Variants in MYLK2 observed in about 807,000 individuals in gnomAD.
MYLK2 encodes the protein myosin light chain kinase 2.
MYLK2 carries 27 observed loss-of-function variants against 58.2 expected under a neutral mutation model. The ratio of observed to expected loss-of-function variants is 0.46; its 90% confidence interval spans 0.34 to 0.64. The LOEUF (loss-of-function observed/expected upper bound fraction) is 0.64, where lower values mean the gene tolerates loss of function less well. Ranked by LOEUF, MYLK2 falls within the 30% of genes least tolerant of loss-of-function variation. The pLI is 0.01. For synonymous variants in MYLK2, 310 were observed against 296.7 expected (o/e 1.04, Z -0.46); for missense variants, 676 against 764.3 (o/e 0.88, Z 1.36).
intron 5 of MYLK2, 47 bp downstream of exon 5, chr20:31,823,629 C>T (rs377529390): frequency 1.5e-5 from 23 of 1,563,600 alleles, no homozygotes; most frequent in African/African-American, 5.4e-5. Context: ...GAGAGTACAC[C>T]GGGCTCCTGT....
intron 5 of MYLK2, chr20:31,823,853 C>A: frequency 4.0e-6 from 3 of 749,106 alleles, no homozygotes; most frequent in Non-Finnish European, 4.9e-6. Context: ...CAGCTCCAGG[C>A]ACCACACTGA....
intron 4 of MYLK2, 32 bp from the exon 5 acceptor site, chr20:31,823,445 A>ACTGC (rs2062261406): frequency 6.3e-7 from 1 of 1,592,540 alleles, no homozygotes; most frequent in African/African-American, 1.3e-5. Flanking sequence ...AGCCCCTGGC[A>ACTGC]CTGACCATGA....
intron 5 of MYLK2, chr20:31,824,001 G>A (rs2062265755): frequency 1.0e-6 from 1 of 984,162 alleles, no homozygotes; most frequent in African/African-American, 1.8e-5. Flanking sequence ...CGCATCCCAG[G>A]GCCATCCTCC....
chr20:31,826,524 T>C, intron 6 of MYLK2, 81 bp from the exon 7 acceptor site: 1 of 1,584,540 alleles, frequency 6.3e-7, no homozygotes, highest in Non-Finnish European at 8.6e-7. Context: ...CTAGCAGGCC[T>C]GTTCAAGGGT....
At position 31,823,551 on chromosome 20, in the gene MYLK2, T is replaced by G; in HGVS notation, c.847T>G (p.Phe283Val). 6.2e-7 allele frequency: 1 copy of G among 1,613,934 alleles called. No individual in the cohort carries two copies. The highest frequency in any genetic ancestry group is 8.5e-7 in the Non-Finnish European group (1 of 1,180,008). Residue 283 changes from phenylalanine to valine, a missense_variant, in exon 5 of 13, where the codon TTC (phenylalanine) becomes GTC (valine). By Grantham distance (50) the Phe-to-Val change is conservative. Coordinates refer to ENST00000375985, the MANE Select transcript of MYLK2 (RefSeq NM_033118.4). ...GAGGACCGGGAATGTCAGCAGTGAA[T>G]TCAGTATGAACTCCAAGGAGGCGCT... ...ELRTGNVSSE[F>V]SMNSKEALGG...
Position 31,833,810 on chromosome 20 carries a change from G to GATGAAGC in MYLK2, c.*13_*14insATGAAGC. 1 of 1,610,440 alleles carries GATGAAGC rather than the reference G, an allele frequency of 6.2e-7. No homozygotes were observed. Among genetic ancestry groups the GATGAAGC allele is most frequent in the Non-Finnish European group, 8.5e-7 (1 of 1,179,208 alleles). The stretch of plus-strand genomic sequence containing the variant: ...TCTGGGGGTCTGAGCCCTGGGCGCA[G>GATGAAGC]CTGAAGCCTGGACGCAGCCACACAG... On this transcript the variant is annotated 3_prime_UTR_variant, in exon 13 of 13. Transcript: ENST00000375985.
At chr20:31,828,038 C>A in intron 8 of MYLK2, 3 of 258,516 alleles carry the variant, frequency 1.2e-5, no homozygotes, top group Non-Finnish European at 1.8e-5. Flanking sequence ...CAGGCGTGTG[C>A]CACCATGCCC....
chr20:31,830,761 T>G (rs2062301909), intron 8 of MYLK2, 58 bp from the exon 9 acceptor site: 12 of 1,570,452 alleles, frequency 7.6e-6, no homozygotes, highest in Non-Finnish European at 1.1e-5. Context: ...ACGGGCCTGG[T>G]GGGAGAGGGA....
Position 31,834,204 on chromosome 20 carries a change from C to T in MYLK2, c.*407C>T. On this transcript the variant is annotated 3_prime_UTR_variant, in exon 13 of 13. Transcript: ENST00000375985. ...AGCTGGAGTGCCATGGCTGGGGGGT[C>T]TCAGCATGTAGGGCTTCTGTGGTTG... 1 of 240,312 alleles carries T rather than the reference C, an allele frequency of 4.2e-6. No homozygotes were observed. Among genetic ancestry groups the T allele is most frequent in the East Asian group, 9.9e-5 (1 of 10,134 alleles). 14.9% of individuals were successfully genotyped at this position (240,312 alleles called of 1,614,324 possible). A position where few individuals can be genotyped will look rare whatever the true frequency, so the allele number is the denominator to read the frequency against.
At chr20:31,825,678 CAT>C (rs1182586808) in intron 6 of MYLK2, among the ~76,000 whole-genome samples, 1 of 151,806 alleles carries the variant, frequency 6.6e-6, no homozygotes, top group Non-Finnish European at 1.5e-5. Context: ...CTGAGAAAGA[CAT>C]ATGTGAGGTG....
chr20:31,823,331 C>T lies in MYLK2; in HGVS notation c.773-146C>T. On this transcript the variant is annotated intron_variant, in intron 4 of 12. Transcript: ENST00000375985. ...ATATTGGAAACTGGGCCCCATAGCC[C>T]CTATCCTGGAGCCAGGTGTCCCCCA... The T allele has an allele frequency of 5.7e-6, 4 of 706,726 alleles. No homozygotes were observed. The Admixed American group carries it at 6.7e-5, about 12-fold the overall frequency. The allele number at this position is 706,726 out of a possible 1,614,324, so 43.8% of individuals were successfully genotyped here.
intron 8 of MYLK2, 111 bp downstream of exon 8, chr20:31,827,049 T>C: frequency 6.4e-7 from 1 of 1,551,310 alleles, no homozygotes. Flanking sequence ...TCTTCCTTCA[T>C]CCATCCTTCC....
At chr20:31,824,498 A>T (rs529890802) in intron 6 of MYLK2, 146 bp downstream of exon 6, 15 of 1,507,056 alleles carry the variant, frequency 1.0e-5, no homozygotes, top group African/African-American at 1.4e-5. Flanking sequence ...AGATAGAGAG[A>T]TGGATGGACA....
intron 10 of MYLK2, 38 bp from the exon 11 acceptor site, chr20:31,831,665 A>T: frequency 6.2e-7 from 1 of 1,612,292 alleles, no homozygotes; most frequent in Non-Finnish European, 8.5e-7. Flanking sequence ...AGCACCTCCA[A>T]TCTCACCTCC....
Position 31,824,295 on chromosome 20 carries a change from A to G in MYLK2, c.915A>G (p.Lys305=), listed in dbSNP as rs772673055. Residue 305 remains lysine (K), a synonymous_variant, in exon 6 of 13, where the codon AAA becomes AAG. Coordinates refer to ENST00000375985, the MANE Select transcript of MYLK2 (RefSeq NM_033118.4). ...KFGAVCTCME[K]ATGLKLAAKV... Reference sequence around the variant, plus strand: ...GGGCAGTCTGTACCTGCATGGAGAAAGCCACAGGCCTCAAGCTGGCAGCCA... The same window carrying G: ...GGGCAGTCTGTACCTGCATGGAGAAGGCCACAGGCCTCAAGCTGGCAGCCA... 1.9e-6 allele frequency: 3 copies of G among 1,613,706 alleles called. No homozygotes were observed. The African/African-American group carries it at 4.0e-5, about 22-fold the overall frequency.
rs760033905 is a variant in MYLK2, at chr20:31,833,745, A to T, written c.1739A>T (p.Asn580Ile). The change falls in exon 13 of 13, where the codon AAC (asparagine) becomes ATC (isoleucine). Residue 580 changes from asparagine (N) to isoleucine (I), a missense_variant. By Grantham distance (149) the Asn-to-Ile change is moderately radical. Coordinates refer to ENST00000375985, the MANE Select transcript of MYLK2 (RefSeq NM_033118.4). Reference sequence around the variant, plus strand: ...AACTTCATTGCTGTCAGCGCTGCCAACCGCTTCAAGAAGATCAGCAGCTCG... The same window carrying T: ...AACTTCATTGCTGTCAGCGCTGCCATCCGCTTCAAGAAGATCAGCAGCTCG... ...KKNFIAVSAA[N>I]RFKKISSSGA... is the part of the protein sequence containing the mutation. 2.5e-6 allele frequency: 4 copies of T among 1,613,840 alleles called. No individual in the cohort carries two copies. The highest frequency in any genetic ancestry group is 3.4e-6 in the Non-Finnish European group (4 of 1,179,978).
rs2062320529 is a variant in MYLK2 at position 31,833,875 on chromosome 20, A to G, written c.*78A>G. ...GCCACACAGCCCAGAAGGCCAGAAA[A>G]GGCAGCCAGATCCCCAGGGCAGCCT... On this transcript the variant is annotated 3_prime_UTR_variant, in exon 13 of 13. Transcript: ENST00000375985. 1.5e-6 allele frequency: 2 copies of G among 1,374,962 alleles called. No homozygotes were observed. Among genetic ancestry groups the G allele is most frequent in the East Asian group, 4.6e-5 (2 of 43,380 alleles). The allele number at this position is 1,374,962 out of a possible 1,614,324, so 85.2% of individuals were successfully genotyped here.
rs1005842751 is a variant in MYLK2 at position 31,834,122 on chromosome 20, G to A, written c.*325G>A. The A allele has an allele frequency of 4.3e-5, 17 of 394,708 alleles. No homozygotes were observed. Among genetic ancestry groups the A allele is most frequent in the South Asian group, 1.5e-4 (6 of 40,194 alleles). 24.5% of individuals were successfully genotyped at this position (394,708 alleles called of 1,614,324 possible). On this transcript the variant is annotated 3_prime_UTR_variant, in exon 13 of 13. Transcript: ENST00000375985. ...AGCTCCTCGTCTTTGAACTGCCGCC[G>A]CCGTGGTGACCCCTGCTTTGCCCCA... is the stretch of plus-strand genomic sequence containing the variant.
intron 6 of MYLK2, among the ~76,000 whole-genome samples, chr20:31,825,636 G>A (rs149972827): frequency 2.6e-3 from 392 of 152,222 alleles, no homozygotes; most frequent in Non-Finnish European, 4.2e-3. Flanking sequence ...TGATGGGGGC[G>A]CTTTTAGATA....
Sources: gnomAD v4.1 joint callset for allele counts (sites outside exome capture counted in the v4.1 genomes callset) on GRCh38, gnomAD v4.1.1 for gene constraint, MANE v1.5 for transcripts, NCBI Gene and HGNC (gene_info 2026-07-23, HGNC 2026-07-21) for gene names.